The following CADPS variants were observed in gnomAD, a reference collection of about 807,000 sequenced individuals.
CADPS encodes calcium dependent secretion activator, also known as calcium-dependent secretion activator 1.
A neutral mutation model predicts 167.3 loss-of-function variants in CADPS; 57 were observed. That is an observed-to-expected ratio of 0.34 (90% CI 0.28 to 0.42). CADPS has a LOEUF of 0.42. Ranked by LOEUF, CADPS falls within the 20% of genes least tolerant of loss-of-function variation. The pLI, the probability that CADPS is intolerant of heterozygous loss-of-function variation, is 1.00. For missense variants in CADPS, 1,414 were observed against 1,738.1 expected, an observed-to-expected ratio of 0.81 and a Z score of 3.32; for synonymous variants, 676 against 635.3, an observed-to-expected ratio of 1.06 and a Z score of -0.96.
chr3:62,633,459 G>A (rs1424228463), intron 6 of CADPS, among the ~76,000 whole-genome samples: 1 of 152,050 alleles, frequency 6.6e-6, no homozygotes, highest in East Asian at 1.9e-4. Context: ...ATCTGGCCCC[G>A]CCAGCCTTGC....
chr3:62,657,346 A>C (rs896780700), intron 4 of CADPS, among the ~76,000 whole-genome samples: 4 of 152,212 alleles, frequency 2.6e-5, no homozygotes, highest in Non-Finnish European at 5.9e-5. Flanking sequence ...TGCCACTGAC[A>C]CTACAAAAGC....
chr3:62,531,094 A>G (rs1230789652), intron 13 of CADPS, among the ~76,000 whole-genome samples: 1 of 152,220 alleles, frequency 6.6e-6, no homozygotes, highest in Non-Finnish European at 1.5e-5. Flanking sequence ...AAATCCAGAC[A>G]ATGTGTATCA....
At chr3:62,760,325 G>A (rs1472820033) in intron 2 of CADPS, among the ~76,000 whole-genome samples, 1 of 152,176 alleles carries the variant, frequency 6.6e-6, no homozygotes, top group Non-Finnish European at 1.5e-5. Flanking sequence ...CTAAGGCTCA[G>A]ACATAGCTGA....
chr3:62,463,477 A>C (rs1373417592), intron 26 of CADPS, among the ~76,000 whole-genome samples: 1 of 152,206 alleles, frequency 6.6e-6, no homozygotes, highest in Non-Finnish European at 1.5e-5. Flanking sequence ...GAGGAATGAA[A>C]CATTGTCTAA....
intron 1 of CADPS, among the ~76,000 whole-genome samples, chr3:62,844,318 A>G (rs1423825621): frequency 6.6e-6 from 1 of 152,210 alleles, no homozygotes; most frequent in Admixed American, 6.5e-5. Flanking sequence ...GGGAAACAGT[A>G]AAACCATCTG....
chr3:62,427,647 C>T (rs541826090), intron 28 of CADPS, among the ~76,000 whole-genome samples: 5 of 152,116 alleles, frequency 3.3e-5, no homozygotes, highest in South Asian at 2.1e-4. Flanking sequence ...CAAAAATCAC[C>T]CCCCGGTAGA....
chr3:62,629,757 G>GTTTTT (rs55956118), intron 6 of CADPS, among the ~76,000 whole-genome samples: 1 of 145,678 alleles, frequency 6.9e-6, no homozygotes, highest in Admixed American at 6.9e-5. Context: ...CTCTGGTACA[G>GTTTTT]TTTTTTTTTT....
At chr3:62,817,640 G>T (rs1382591506) in intron 1 of CADPS, among the ~76,000 whole-genome samples, 1 of 152,130 alleles carries the variant, frequency 6.6e-6, no homozygotes, top group Non-Finnish European at 1.5e-5. Context: ...CTCAGTAATT[G>T]GATAAAATTA....
At chr3:62,854,796 TTAAAA>T (rs528981655) in intron 1 of CADPS, among the ~76,000 whole-genome samples, 112 of 152,326 alleles carry the variant, frequency 7.4e-4, no homozygotes, top group Non-Finnish European at 1.1e-3. Context: ...AAGAGTAAAA[TTAAAA>T]TAGAGATGGA....
intron 17 of CADPS, among the ~76,000 whole-genome samples, chr3:62,506,595 T>C (rs1430121026): frequency 6.6e-6 from 1 of 152,324 alleles, no homozygotes; most frequent in East Asian, 1.9e-4. Flanking sequence ...GGACATTGTG[T>C]TGGAAATCTG....
chr3:62,731,835 A>AAAAAAAAAGAAG (rs568495417), intron 3 of CADPS, among the ~76,000 whole-genome samples: 5 of 110,228 alleles, frequency 4.5e-5, no homozygotes, highest in Non-Finnish European at 7.1e-5. Context: ...AAAAAAGTAA[A>AAAAAAAAAGAAG]GAAGGAAGAA....
intron 6 of CADPS, among the ~76,000 whole-genome samples, chr3:62,599,063 T>C (rs879703057): frequency 1.3e-5 from 2 of 152,164 alleles, no homozygotes; most frequent in Non-Finnish European, 2.9e-5. Context: ...GCCCTTGCTG[T>C]GCAACTGATT....
intron 11 of CADPS, among the ~76,000 whole-genome samples, chr3:62,549,425 G>C (rs1441892890): frequency 7.1e-6 from 1 of 141,794 alleles, no homozygotes; most frequent in Non-Finnish European, 1.5e-5. Context: ...CTCGGAATGG[G>C]ATTTTAGGTA....
intron 28 of CADPS, among the ~76,000 whole-genome samples, chr3:62,406,217 T>C (rs555359056): frequency 6.6e-6 from 1 of 152,042 alleles, no homozygotes; most frequent in South Asian, 2.1e-4. Flanking sequence ...TCGTGGGGGA[T>C]TTTTTCATCA....
At chr3:62,647,160 A>G (rs771442584) in intron 5 of CADPS, among the ~76,000 whole-genome samples, 5 of 152,212 alleles carry the variant, frequency 3.3e-5, no homozygotes, top group East Asian at 1.9e-4. Context: ...TATACATGAA[A>G]AAATCATTCA....
chr3:62,643,536 A>G (rs1173203188), intron 6 of CADPS, among the ~76,000 whole-genome samples: 2 of 152,260 alleles, frequency 1.3e-5, no homozygotes, highest in Middle Eastern at 3.2e-3. Context: ...TGAATATTTC[A>G]TGCAGGTAGA....
At chr3:62,840,025 G>T (rs2076423985) in intron 1 of CADPS, among the ~76,000 whole-genome samples, 1 of 152,134 alleles carries the variant, frequency 6.6e-6, no homozygotes, top group Admixed American at 6.5e-5. Context: ...GAATTAAACT[G>T]AGTAAGACAT....
intron 6 of CADPS, among the ~76,000 whole-genome samples, chr3:62,596,850 A>G (rs140341309): frequency 1.3e-5 from 2 of 152,312 alleles, no homozygotes; most frequent in African/African-American, 4.8e-5. Flanking sequence ...TATCATTGCC[A>G]TTTCACAGAT....
At chr3:62,830,563 G>C (rs567490152) in intron 1 of CADPS, among the ~76,000 whole-genome samples, 26 of 152,172 alleles carry the variant, frequency 1.7e-4, no homozygotes, top group African/African-American at 6.3e-4. Context: ...AATGGCTACA[G>C]GTGCTAGAAG....
Sources: allele counts gnomAD v4.1 joint callset (sites outside exome capture counted in the v4.1 genomes callset), GRCh38; gene constraint gnomAD v4.1.1; transcripts MANE v1.5; gene names NCBI Gene and HGNC (gene_info 2026-07-23, HGNC 2026-07-21).